The following GPC6 variants were observed in gnomAD, a reference collection of about 807,000 sequenced individuals.
The protein encoded by GPC6 is glypican 6, also known as glypican-6.
GPC6 carries 14 observed loss-of-function variants against 55.2 expected under a neutral mutation model. That is an observed-to-expected ratio of 0.25 (90% CI 0.17 to 0.40). The LOEUF (loss-of-function observed/expected upper bound fraction) is 0.40, where lower values mean the gene tolerates loss of function less well. GPC6 is among the 10% of genes least tolerant of loss of function. GPC6 has a pLI of 1.00. For synonymous variants in GPC6, 278 were observed against 259.6 expected, an observed-to-expected ratio of 1.07 and a Z score of -0.68; for missense variants, 641 against 708.5, an observed-to-expected ratio of 0.90 and a Z score of 1.08.
intron 7 of GPC6, among the ~76,000 whole-genome samples, chr13:94,385,085 C>A (rs1434711655): frequency 6.6e-6 from 1 of 152,026 alleles, no homozygotes; most frequent in Non-Finnish European, 1.5e-5. Flanking sequence ...ACTAAAAATA[C>A]AAAAATTAGC....
chr13:93,728,204 TTTTG>T (rs56015850), intron 2 of GPC6, among the ~76,000 whole-genome samples: 42,616 of 149,096 alleles, frequency 0.29, 6,843 homozygotes, highest in Middle Eastern at 0.46. Context: ...ATCTTTTTGG[TTTTG>T]TTTGTTTGTT....
intron 2 of GPC6, among the ~76,000 whole-genome samples, chr13:93,752,442 T>TA (rs1223212142): frequency 0.018 from 2,458 of 134,138 alleles, 39 homozygotes; most frequent in African/African-American, 0.056. Context: ...TGTTTTACAT[T>TA]AAAAAAAAAA....
At chr13:94,149,816 A>T (rs1190187914) in intron 4 of GPC6, among the ~76,000 whole-genome samples, 1 of 151,894 alleles carries the variant, frequency 6.6e-6, no homozygotes, top group Non-Finnish European at 1.5e-5. Context: ...TGTACCTTGT[A>T]GTTTGACCAT....
At chr13:94,243,299 T>G (rs1891108326) in intron 4 of GPC6, among the ~76,000 whole-genome samples, 1 of 152,068 alleles carries the variant, frequency 6.6e-6, no homozygotes. Context: ...AATTTTAAAA[T>G]TATGTACATT....
At chr13:93,455,009 C>T (rs1333721344) in intron 1 of GPC6, among the ~76,000 whole-genome samples, 1 of 152,242 alleles carries the variant, frequency 6.6e-6, no homozygotes, top group Non-Finnish European at 1.5e-5. Context: ...CCAGTACACC[C>T]TCCGCAGCCT....
chr13:93,268,157 A>T (rs1877389381), intron 1 of GPC6, among the ~76,000 whole-genome samples: 1 of 152,178 alleles, frequency 6.6e-6, no homozygotes, highest in Admixed American at 6.5e-5. Flanking sequence ...ATAGGGAAAA[A>T]ATAATTATGA....
intron 3 of GPC6, among the ~76,000 whole-genome samples, chr13:93,997,400 C>G (rs576168672): frequency 6.6e-6 from 1 of 152,126 alleles, no homozygotes; most frequent in African/African-American, 2.4e-5. Context: ...GGCTATGCAT[C>G]GACTTTACCC....
intron 4 of GPC6, among the ~76,000 whole-genome samples, chr13:94,215,660 G>A (rs553468042): frequency 1.3e-5 from 2 of 152,042 alleles, no homozygotes; most frequent in East Asian, 1.9e-4. Context: ...GGACTTTAAA[G>A]TTACAAAACT....
intron 2 of GPC6, among the ~76,000 whole-genome samples, chr13:93,616,636 C>G (rs892547579): frequency 3.3e-5 from 5 of 152,018 alleles, no homozygotes; most frequent in African/African-American, 1.2e-4. Context: ...TACAATGTAA[C>G]TAAAAAATGC....
chr13:93,606,966 G>A (rs1878261315), intron 2 of GPC6, among the ~76,000 whole-genome samples: 1 of 152,034 alleles, frequency 6.6e-6, no homozygotes, highest in Non-Finnish European at 1.5e-5. Flanking sequence ...CTTCTTGAAT[G>A]AATATATAAT....
At chr13:93,631,908 C>T (rs1356982048) in intron 2 of GPC6, among the ~76,000 whole-genome samples, 1 of 152,126 alleles carries the variant, frequency 6.6e-6, no homozygotes, top group Non-Finnish European at 1.5e-5. Flanking sequence ...CTGGGATTTT[C>T]TTGGGTAAAC....
intron 4 of GPC6, among the ~76,000 whole-genome samples, chr13:94,237,350 T>C (rs1022146254): frequency 6.6e-6 from 1 of 152,094 alleles, no homozygotes; most frequent in African/African-American, 2.4e-5. Context: ...CTTCTCCTCT[T>C]CCTTCCATTC....
intron 3 of GPC6, among the ~76,000 whole-genome samples, chr13:93,910,510 T>C (rs956142866): frequency 4.6e-5 from 7 of 151,980 alleles, no homozygotes; most frequent in African/African-American, 1.2e-4. Context: ...GAGGGAGTGA[T>C]TGAGAGATAG....
intron 4 of GPC6, among the ~76,000 whole-genome samples, chr13:94,164,236 A>G (rs918457729): frequency 6.6e-6 from 1 of 152,196 alleles, no homozygotes; most frequent in African/African-American, 2.4e-5. Context: ...TGTTACTTAC[A>G]TAGCACATTC....
chr13:93,943,014 T>A (rs1475959213), intron 3 of GPC6, among the ~76,000 whole-genome samples: 1 of 152,096 alleles, frequency 6.6e-6, no homozygotes, highest in Non-Finnish European at 1.5e-5. Context: ...ATGAGATGGA[T>A]CTGACCTCTC....
At chr13:93,810,350 C>T (rs544653032) in intron 2 of GPC6, among the ~76,000 whole-genome samples, 1 of 152,282 alleles carries the variant, frequency 6.6e-6, no homozygotes, top group South Asian at 2.1e-4. Context: ...TGTAGGTCGT[C>T]TTAGATTTCT....
chr13:93,993,271 C>T (rs926717510), intron 3 of GPC6, among the ~76,000 whole-genome samples: 6 of 150,710 alleles, frequency 4.0e-5, no homozygotes, highest in Non-Finnish European at 8.9e-5. Context: ...AAAAGCAATT[C>T]TAATTCATGA....
chr13:93,895,234 G>GTGTATATATATATA (rs1196315147), intron 3 of GPC6, among the ~76,000 whole-genome samples: 9 of 108,214 alleles, frequency 8.3e-5, no homozygotes, highest in East Asian at 5.1e-4. Context: ...GTGTGTGTGT[G>GTGTATATATATATA]TATATATATA....
At chr13:94,362,115 G>T (rs1879081484) in intron 6 of GPC6, among the ~76,000 whole-genome samples, 1 of 152,176 alleles carries the variant, frequency 6.6e-6, no homozygotes, top group Admixed American at 6.5e-5. Flanking sequence ...AAGCTGGAAA[G>T]TCAAAGTGCT....
Sources: allele counts gnomAD v4.1 joint callset (sites outside exome capture counted in the v4.1 genomes callset), GRCh38; gene constraint gnomAD v4.1.1; transcripts MANE v1.5; gene names NCBI Gene and HGNC (gene_info 2026-07-23, HGNC 2026-07-21).